The following THSD4 variants were observed in gnomAD, a reference collection of about 807,000 sequenced individuals.
THSD4 encodes thrombospondin type 1 domain containing 4.
A neutral mutation model predicts 119.0 loss-of-function variants in THSD4; 69 were observed. The observed-to-expected ratio is 0.58, with a 90% CI of 0.48 to 0.71. The LOEUF is 0.71. Ranked by LOEUF, THSD4 falls within the 30% of genes least tolerant of loss-of-function variation. The pLI is 0.00. For synonymous variants in THSD4, 524 were observed against 540.4 expected (o/e 0.97, Z 0.42); for missense variants, 1,393 against 1,391.1 (o/e 1.00, Z -0.02).
chr15:71,707,565 C>T (rs535894388), intron 8 of THSD4, among the ~76,000 whole-genome samples: 4 of 152,286 alleles, frequency 2.6e-5, no homozygotes, highest in South Asian at 4.1e-4. Flanking sequence ...ACAAACATTT[C>T]GATATCTCTA....
intron 10 of THSD4, chr15:71,732,810 C>T (rs1595899145): frequency 6.6e-6 from 1 of 152,202 alleles, no homozygotes; most frequent in East Asian, 1.9e-4. Flanking sequence ...TTGGTCCAAT[C>T]CCTACCCTAG....
intron 8 of THSD4, among the ~76,000 whole-genome samples, chr15:71,728,266 C>T (rs538181305): frequency 4.6e-5 from 7 of 152,192 alleles, no homozygotes; most frequent in African/African-American, 1.7e-4. Context: ...TTCTCCTTTC[C>T]CTCCCATTTT....
At chr15:71,214,573 C>T (rs1044613268) in intron 3 of THSD4, among the ~76,000 whole-genome samples, 5 of 152,216 alleles carry the variant, frequency 3.3e-5, no homozygotes, top group Non-Finnish European at 7.3e-5. Flanking sequence ...GAACAAACTC[C>T]GGACACACTA....
intron 6 of THSD4, among the ~76,000 whole-genome samples, chr15:71,381,511 C>T (rs1477087581): frequency 6.6e-6 from 1 of 152,174 alleles, no homozygotes; most frequent in Non-Finnish European, 1.5e-5. Flanking sequence ...AATTATTACC[C>T]TTCCATTGGA....
At chr15:71,376,500 A>G (rs1388378773) in intron 6 of THSD4, among the ~76,000 whole-genome samples, 1 of 152,154 alleles carries the variant, frequency 6.6e-6, no homozygotes. Context: ...TCTGACTTGC[A>G]ACCTTTTTCT....
intron 7 of THSD4, among the ~76,000 whole-genome samples, chr15:71,538,366 T>G (rs1451088204): frequency 6.6e-6 from 1 of 152,220 alleles, no homozygotes; most frequent in African/African-American, 2.4e-5. Flanking sequence ...CCTTGATGAT[T>G]TGAAGTGACT....
At chr15:71,279,254 T>C (rs2044624924) in intron 6 of THSD4, among the ~76,000 whole-genome samples, 1 of 152,122 alleles carries the variant, frequency 6.6e-6, no homozygotes. Context: ...CATTTGTACT[T>C]AAGGTTACGT....
In THSD4 at chr15:71,242,635, C is replaced by T. The variant is rs776134656; in HGVS notation, c.465-14C>T. 3.7e-6 allele frequency: 6 copies of T among 1,609,096 alleles called. No homozygotes were observed. The South Asian group carries it at 6.6e-5, about 18-fold the overall frequency. The stretch of plus-strand genomic sequence containing the variant: ...CGACTCTGATCATCTCCTCTCTTGT[C>T]TATCTCTCTTTAGGAGCAGGACCCG... On this transcript the variant is annotated splice_polypyrimidine_tract_variant and intron_variant, in intron 4 of 17. Coordinates refer to ENST00000261862, the MANE Select transcript of THSD4 (RefSeq NM_024817.3).
At chr15:71,242,422 CT>C (rs2044160622) in intron 4 of THSD4, among the ~76,000 whole-genome samples, 1 of 152,174 alleles carries the variant, frequency 6.6e-6, no homozygotes, top group African/African-American at 2.4e-5. Flanking sequence ...TGTTCATCCT[CT>C]GTTGATTCCC....
intron 7 of THSD4, among the ~76,000 whole-genome samples, chr15:71,614,204 T>G (rs2050282882): frequency 6.6e-6 from 1 of 152,212 alleles, no homozygotes; most frequent in South Asian, 2.1e-4. Flanking sequence ...GTACCTTTGT[T>G]TGGGAAGAAT....
chr15:71,381,004 C>T (rs900285558), intron 6 of THSD4, among the ~76,000 whole-genome samples: 1 of 152,134 alleles, frequency 6.6e-6, no homozygotes, highest in East Asian at 1.9e-4. Flanking sequence ...AGTGGAAATG[C>T]ACCACCTAAA....
intron 6 of THSD4, among the ~76,000 whole-genome samples, chr15:71,304,024 G>C (rs1282515318): frequency 6.6e-6 from 1 of 152,186 alleles, no homozygotes; most frequent in Non-Finnish European, 1.5e-5. Flanking sequence ...CTCCAAGATA[G>C]AGCACTAAGA....
At chr15:71,224,593 A>C (rs1415526319) in intron 4 of THSD4, among the ~76,000 whole-genome samples, 7 of 152,196 alleles carry the variant, frequency 4.6e-5, no homozygotes, top group Non-Finnish European at 1.0e-4. Flanking sequence ...GCTTAAAAAA[A>C]ACACACCAGT....
At chr15:71,700,235 T>A (rs1324463973) in intron 8 of THSD4, among the ~76,000 whole-genome samples, 1 of 152,210 alleles carries the variant, frequency 6.6e-6, no homozygotes, top group African/African-American at 2.4e-5. Context: ...CATATATTCA[T>A]GACACTGTCC....
rs893225719 is a variant in THSD4, at chr15:71,115,644, C to T, written c.-134C>T. 6.8e-6 allele frequency: 1 copy of T among 146,992 alleles called. No individual in the cohort carries two copies. The highest frequency in any genetic ancestry group is 3.4e-3 in the Middle Eastern group (1 of 290). 9.1% of individuals were successfully genotyped at this position (146,992 alleles called of 1,614,324 possible). A position where few individuals can be genotyped will look rare whatever the true frequency, so the allele number is the denominator to read the frequency against. ...GGGCTGCCCGGCGCCGGGAACCACGCGGGGGCGAGGCGAGGCGAGGCGGCC... is the reference window on the plus strand; with the variant it reads ...GGGCTGCCCGGCGCCGGGAACCACGTGGGGGCGAGGCGAGGCGAGGCGGCC... On this transcript the variant is annotated 5_prime_UTR_variant, in exon 1 of 18. Transcript: ENST00000261862. The surrounding 1 kb of genome is among the most constrained non-coding windows in gnomAD (Gnocchi z 4.4).
chr15:71,429,721 A>G (rs963314460), intron 7 of THSD4, among the ~76,000 whole-genome samples: 6 of 152,202 alleles, frequency 3.9e-5, no homozygotes, highest in African/African-American at 1.2e-4. Context: ...GACATTTCAC[A>G]TGTTAACAGA....
intron 6 of THSD4, among the ~76,000 whole-genome samples, chr15:71,265,192 T>G (rs945447538): frequency 5.9e-5 from 9 of 152,068 alleles, no homozygotes; most frequent in African/African-American, 1.9e-4. Context: ...GGCTCCGGTC[T>G]GCAGCTCCCA....
intron 7 of THSD4, among the ~76,000 whole-genome samples, chr15:71,549,088 CA>C (rs1333403614): frequency 6.6e-6 from 1 of 152,222 alleles, no homozygotes; most frequent in Non-Finnish European, 1.5e-5. Flanking sequence ...ATCAGCAAAG[CA>C]GATGAAAAAT....
At chr15:71,650,833 C>A (rs539999078) in intron 7 of THSD4, among the ~76,000 whole-genome samples, 4 of 152,320 alleles carry the variant, frequency 2.6e-5, no homozygotes, top group East Asian at 1.9e-4. Context: ...TTGCTCCACA[C>A]CGCCTCCTGT....
Sources: gnomAD v4.1 joint callset for allele counts (sites outside exome capture counted in the v4.1 genomes callset) on GRCh38, gnomAD v4.1.1 for gene constraint, Gnocchi (gnomAD v3.1) non-coding constraint, MANE v1.5 for transcripts, NCBI Gene and HGNC (gene_info 2026-07-23, HGNC 2026-07-21) for gene names.